Variants in MSRA observed in about 807,000 individuals in gnomAD.
The protein encoded by MSRA is mitochondrial peptide methionine sulfoxide reductase.
MSRA carries 54 observed loss-of-function variants against 31.3 expected under a neutral mutation model. The observed-to-expected ratio is 1.73, with a 90% CI of 1.39 to 2.17. The LOEUF (loss-of-function observed/expected upper bound fraction) is 2.17. Among genes scored for constraint, MSRA ranks in the 30% most tolerant of loss-of-function variants. The pLI, the probability that MSRA is intolerant of heterozygous loss-of-function variation, is 0.00. For missense variants in MSRA, 507 were observed against 300.9 expected (o/e 1.69, Z -5.07); for synonymous variants, 169 against 116.5 (o/e 1.45, Z -2.90).
intron 1 of MSRA, among the ~76,000 whole-genome samples, chr8:10,113,777 T>TAA (rs1385242067): frequency 2.2e-4 from 33 of 150,934 alleles, no homozygotes; most frequent in African/African-American, 2.2e-4. Flanking sequence ...TTTTTTTTTT[T>TAA]AAAAAAAAGA....
At chr8:10,216,342 A>T (rs1280307589) in intron 2 of MSRA, among the ~76,000 whole-genome samples, 1 of 151,764 alleles carries the variant, frequency 6.6e-6, no homozygotes, top group East Asian at 1.9e-4. Context: ...ATTTGGCTCT[A>T]TGTTTCCTAG....
At chr8:10,394,822 A>T (rs778589758) in intron 5 of MSRA, among the ~76,000 whole-genome samples, 1 of 152,268 alleles carries the variant, frequency 6.6e-6, no homozygotes, top group African/African-American at 2.4e-5. Context: ...ACCCAGTATC[A>T]TGATGGCTAC....
At chr8:10,221,990 CAGGTAATTCGT>C (rs150505630) in intron 2 of MSRA, among the ~76,000 whole-genome samples, 3,248 of 151,984 alleles carry the variant, frequency 0.021, 35 homozygotes, top group African/African-American at 0.032. Context: ...GGGCAATTCA[CAGGTAATTCGT>C]GGGTAATTGT....
At chr8:10,196,408 G>T (rs1192748543) in intron 1 of MSRA, among the ~76,000 whole-genome samples, 1 of 152,096 alleles carries the variant, frequency 6.6e-6, no homozygotes, top group Admixed American at 6.6e-5. Context: ...TGGGGACTCT[G>T]TACAACACTG....
At chr8:10,316,527 C>CCCTCTCTCTCT (rs1171484461) in intron 4 of MSRA, among the ~76,000 whole-genome samples, 4 of 112,548 alleles carry the variant, frequency 3.6e-5, no homozygotes, top group African/African-American at 1.2e-4. Context: ...TTTGATGATC[C>CCCTCTCTCTCT]CTCTCTCTCT....
intron 3 of MSRA, among the ~76,000 whole-genome samples, chr8:10,253,926 C>T (rs183695927): frequency 6.6e-6 from 1 of 152,042 alleles, no homozygotes; most frequent in African/African-American, 2.4e-5. Flanking sequence ...GTGAAAATTG[C>T]AACAAGACAG....
intron 4 of MSRA, among the ~76,000 whole-genome samples, chr8:10,306,395 C>T (rs552703083): frequency 7.8e-4 from 118 of 152,242 alleles, no homozygotes; most frequent in Non-Finnish European, 8.1e-4. Context: ...ACAATTCCAT[C>T]AGATTTTAAT....
At position 10,226,851 on chromosome 8, in the gene MSRA, C is replaced by G. The variant is rs370476163; in HGVS notation, c.212-18253C>G. ...GCCTGCCTGATCTCAGCCTTGCTCT[C>G]AGGTCCTCAGGAGGAGTTTGATTCT... On this transcript the variant is annotated intron_variant, in intron 2 of 5. Coordinates refer to ENST00000317173, the MANE Select transcript of MSRA (RefSeq NM_012331.5). Among the ~76,000 whole-genome samples the G allele has an allele frequency of 1.4e-4, 21 of 152,310 alleles. No individual in the cohort carries two copies. In the East Asian group the frequency reaches 4.1e-3, roughly 29 times the overall value.
chr8:10,246,453 A>C (rs1462904925), intron 3 of MSRA, among the ~76,000 whole-genome samples: 1 of 152,234 alleles, frequency 6.6e-6, no homozygotes, highest in Non-Finnish European at 1.5e-5. Context: ...AGGTCTTAAT[A>C]GGGAGGGAGT....
In MSRA at chr8:10,414,463, G is replaced by A. The variant is rs572124937; in HGVS notation, c.544-13685G>A. Reference sequence around the variant, plus strand: ...CTCAGTTTGCCAGGACTTTCCTAGCGTTGGCACTGAAAGTTCTGCATCCTG... The same window carrying A: ...CTCAGTTTGCCAGGACTTTCCTAGCATTGGCACTGAAAGTTCTGCATCCTG... On this transcript the variant is annotated intron_variant, in intron 5 of 5. Coordinates refer to ENST00000317173, the MANE Select transcript of MSRA (RefSeq NM_012331.5). Among the ~76,000 whole-genome samples, 6 of 152,268 alleles carry A rather than the reference G, an allele frequency of 3.9e-5. No homozygotes were observed. In the East Asian group the frequency reaches 5.8e-4, roughly 15 times the overall value.
chr8:10,194,303 C>G (rs1807784360), intron 1 of MSRA, among the ~76,000 whole-genome samples: 1 of 152,176 alleles, frequency 6.6e-6, no homozygotes, highest in Non-Finnish European at 1.5e-5. Flanking sequence ...TCCATGGCTC[C>G]TGCCTGTAAT....
At chr8:10,113,289 C>CCTTTTTTTTTTTTTTTTTTTT (rs1554447231) in intron 1 of MSRA, among the ~76,000 whole-genome samples, 1 of 50,898 alleles carries the variant, frequency 2.0e-5, no homozygotes, top group Admixed American at 2.9e-4. Context: ...GAAGACAGGT[C>CCTTTTTTTTTTTTTTTTTTTT]TTCTTTTTTT....
intron 5 of MSRA, among the ~76,000 whole-genome samples, chr8:10,394,027 A>C (rs116493000): frequency 6.0e-4 from 91 of 152,330 alleles, no homozygotes; most frequent in African/African-American, 2.0e-3. Context: ...AAGAGACCCT[A>C]AGACAACATG....
intron 1 of MSRA, among the ~76,000 whole-genome samples, chr8:10,061,804 A>T (rs1449124567): frequency 6.6e-6 from 1 of 152,076 alleles, no homozygotes; most frequent in Non-Finnish European, 1.5e-5. Context: ...ATTTCTCTGA[A>T]CTTTTCCCTG....
chr8:10,199,696 C>T (rs1379941602), intron 1 of MSRA, among the ~76,000 whole-genome samples: 4 of 152,136 alleles, frequency 2.6e-5, no homozygotes, highest in African/African-American at 7.2e-5. Flanking sequence ...GCAGGCAAAT[C>T]ATGAGAAGGA....
In MSRA at chr8:10,374,804, G is replaced by A. The variant is rs1481409783; in HGVS notation, c.544-53344G>A. ...ATGTTGAAATGTGACCTCCGATGTT[G>A]GAGATGGAGCCTAGTAGGAGACATT... On this transcript the variant is annotated intron_variant, in intron 5 of 5. Transcript: ENST00000317173. 7.9e-5 allele frequency among the ~76,000 whole-genome samples: 12 copies of A among 152,326 alleles called. No homozygotes were observed. In the East Asian group the frequency reaches 2.3e-3, roughly 29 times the overall value.
chr8:10,184,158 G>A (rs1165474565), intron 1 of MSRA, among the ~76,000 whole-genome samples: 2 of 151,830 alleles, frequency 1.3e-5, no homozygotes, highest in African/African-American at 4.8e-5. Context: ...TGGTAGACTT[G>A]ATAGTGGTGT....
chr8:10,304,480 A>C (rs190338208), intron 4 of MSRA, among the ~76,000 whole-genome samples: 1 of 152,250 alleles, frequency 6.6e-6, no homozygotes, highest in Non-Finnish European at 1.5e-5. Context: ...CCAACCCTTA[A>C]GTTCAGAATA....
At chr8:10,167,491 G>A (rs980379074) in intron 1 of MSRA, among the ~76,000 whole-genome samples, 8 of 152,176 alleles carry the variant, frequency 5.3e-5, no homozygotes, top group Non-Finnish European at 1.2e-4. Context: ...TGCCATGAGG[G>A]AGGCTTATTT....
Sources: allele counts gnomAD v4.1 joint callset (sites outside exome capture counted in the v4.1 genomes callset), GRCh38; gene constraint gnomAD v4.1.1; transcripts MANE v1.5; gene names NCBI Gene and HGNC (gene_info 2026-07-23, HGNC 2026-07-21).